The following FNDC3A variants were observed in gnomAD, a reference collection of about 807,000 sequenced individuals.
The protein encoded by FNDC3A is fibronectin type-III domain-containing protein 3A.
A neutral mutation model predicts 148.9 loss-of-function variants in FNDC3A; 32 were observed. The ratio of observed to expected loss-of-function variants is 0.21; its 90% CI spans 0.16 to 0.29. The LOEUF (loss-of-function observed/expected upper bound fraction) is 0.29. Ranked by LOEUF, FNDC3A falls within the 10% of genes least tolerant of loss-of-function variation. FNDC3A has a pLI of 1.00. For missense variants in FNDC3A, 1,191 were observed against 1,452.8 expected, an observed-to-expected ratio of 0.82 and a Z score of 2.93; for synonymous variants, 472 against 473.6, an observed-to-expected ratio of 1.00 and a Z score of 0.04.
At chr13:49,055,695 G>A (rs1018744525) in intron 2 of FNDC3A, among the ~76,000 whole-genome samples, 5 of 152,108 alleles carry the variant, frequency 3.3e-5, no homozygotes, top group African/African-American at 1.2e-4. Flanking sequence ...GAAGCCCCCT[G>A]CCCCTTCAAG....
chr13:49,116,496 A>C (rs1880968216), intron 4 of FNDC3A, among the ~76,000 whole-genome samples: 1 of 152,212 alleles, frequency 6.6e-6, no homozygotes, highest in African/African-American at 2.4e-5. Context: ...TAAAAAGTGG[A>C]TAAACTCTAT....
Position 49,075,313 on chromosome 13 carries a change from G to C in FNDC3A, c.124G>C (p.Gly42Arg). Residue 42 changes from glycine to arginine, a missense_variant, in exon 3 of 26, where the codon GGA becomes CGA. Gly to Arg is a moderately radical substitution (Grantham distance 125). Around this residue, in one of 3 missense-constraint regions of FNDC3A, gnomAD observed 426 missense variants for 473.2 expected, o/e 0.90. Coordinates refer to ENST00000492622, the MANE Select transcript of FNDC3A (RefSeq NM_001079673.2). ...GGTTATTCTGGTACAAGTTAACCCAGGAGAAGCATTTACAATAAGAAGAGA... is the reference window on the plus strand; with the variant it reads ...GGTTATTCTGGTACAAGTTAACCCACGAGAAGCATTTACAATAAGAAGAGA... The part of the protein sequence containing the change: ...QQVILVQVNP[G>R]EAFTIRREDG... 2 of 1,603,190 alleles carry C rather than the reference G, an allele frequency of 1.2e-6. No individual in the cohort carries two copies. Among genetic ancestry groups the C allele is most frequent in the Non-Finnish European group, 1.7e-6 (2 of 1,170,928 alleles).
At chr13:49,108,343 C>T (rs1001841472) in intron 3 of FNDC3A, among the ~76,000 whole-genome samples, 5 of 152,118 alleles carry the variant, frequency 3.3e-5, no homozygotes, top group Non-Finnish European at 2.9e-5. Flanking sequence ...ATGCCGTGAT[C>T]TCAAGGAAGA....
At chr13:49,185,177 G>A (rs529787499) in intron 14 of FNDC3A, among the ~76,000 whole-genome samples, 1 of 152,104 alleles carries the variant, frequency 6.6e-6, no homozygotes, top group South Asian at 2.1e-4. Flanking sequence ...AACAATACAG[G>A]TATAGTTAAA....
chr13:49,075,530 C>T (rs919594016), intron 3 of FNDC3A, among the ~76,000 whole-genome samples, 166 bp downstream of exon 3: 53 of 152,148 alleles, frequency 3.5e-4, no homozygotes, highest in African/African-American at 1.2e-3. Context: ...GTCATTCTAA[C>T]TAGTCTCTTT....
chr13:49,207,130 A>G lies in FNDC3A; in HGVS notation c.3332A>G (p.Asn1111Ser), dbSNP rs373329188. The G allele has an allele frequency of 1.2e-6, 2 of 1,614,064 alleles. No homozygotes were observed. Among genetic ancestry groups the G allele is most frequent in the African/African-American group, 2.7e-5 (2 of 74,932 alleles). The change falls in exon 26 of 26, where the codon AAC (asparagine) becomes AGC (serine). Residue 1111 changes from asparagine (N) to serine (S), a missense_variant. Transcript: ENST00000492622. ...SSFRYSSLQL[N>S]CEYRFRVCAI... ...TTCCGGTATTCCAGCCTTCAGCTGA[A>G]CTGTGAATATCGCTTCCGTGTATGT...
chr13:49,190,790 A>G (rs1424910043), intron 17 of FNDC3A, among the ~76,000 whole-genome samples: 3 of 152,218 alleles, frequency 2.0e-5, no homozygotes, highest in Non-Finnish European at 4.4e-5. Context: ...CTTTGTATAT[A>G]GTAGTTGCAC....
intron 3 of FNDC3A, among the ~76,000 whole-genome samples, chr13:49,103,690 A>G (rs1879995975): frequency 6.6e-6 from 1 of 152,212 alleles, no homozygotes; most frequent in Non-Finnish European, 1.5e-5. Flanking sequence ...TTTAGGAGAT[A>G]AAACTGTCAG....
At chr13:49,002,407 A>G (rs1036840349) in intron 1 of FNDC3A, among the ~76,000 whole-genome samples, 3 of 152,230 alleles carry the variant, frequency 2.0e-5, no homozygotes, top group Admixed American at 1.3e-4. Flanking sequence ...TTTCTACAGC[A>G]ATTGAGAATG....
chr13:49,054,944 T>C (rs780055501), intron 2 of FNDC3A, among the ~76,000 whole-genome samples: 7 of 152,198 alleles, frequency 4.6e-5, no homozygotes, highest in Non-Finnish European at 1.0e-4. Context: ...GGTCTTTTAA[T>C]GCTAAACTCA....
intron 8 of FNDC3A, among the ~76,000 whole-genome samples, chr13:49,148,988 G>A (rs1276810970): frequency 6.6e-6 from 1 of 151,632 alleles, no homozygotes; most frequent in East Asian, 1.9e-4. Context: ...TTGCCTTTTG[G>A]GCTTCTTTCT....
intron 4 of FNDC3A, 82 bp from the exon 5 acceptor site, chr13:49,131,055 C>T (rs897120431): frequency 3.6e-6 from 4 of 1,096,844 alleles, no homozygotes; most frequent in African/African-American, 1.5e-5. Flanking sequence ...CATGAGCTAC[C>T]GTGCCTACCC....
chr13:49,135,238 G>T (rs1055960019), intron 5 of FNDC3A, among the ~76,000 whole-genome samples: 1 of 152,152 alleles, frequency 6.6e-6, no homozygotes, highest in African/African-American at 2.4e-5. Context: ...TCTTTTTATT[G>T]TTGAAAGGTA....
intron 3 of FNDC3A, among the ~76,000 whole-genome samples, chr13:49,093,713 C>T (rs1263646411): frequency 6.6e-6 from 1 of 152,056 alleles, no homozygotes; most frequent in Non-Finnish European, 1.5e-5. Flanking sequence ...ATGATTAGTT[C>T]CTCCAAACCA....
intron 2 of FNDC3A, among the ~76,000 whole-genome samples, chr13:49,022,818 C>T (rs1360661115): frequency 1.3e-5 from 2 of 152,070 alleles, no homozygotes. Flanking sequence ...ACGTCTGCAC[C>T]ATGCCACTTT....
In FNDC3A at chr13:48,993,772, C is replaced by G. The variant is rs116419784; in HGVS notation, c.-39-12380C>G. ...GGCAAGTATATGGGTGTTTGCTGTT[C>G]AGTTATTTCAGCTTTTCTGTGGGTT... On this transcript the variant is annotated intron_variant, in intron 1 of 25. Coordinates refer to ENST00000492622, the MANE Select transcript of FNDC3A (RefSeq NM_001079673.2). Among the ~76,000 whole-genome samples, 1,430 of 152,178 alleles carry G rather than the reference C, an allele frequency of 9.4e-3. 22 individuals are homozygous for G. Among genetic ancestry groups the G allele is most frequent in the African/African-American group, 0.032 (1,345 of 41,520 alleles).
chr13:49,157,600 C>G (rs1156827242), intron 8 of FNDC3A, among the ~76,000 whole-genome samples: 91 of 151,414 alleles, frequency 6.0e-4, no homozygotes, highest in Admixed American at 6.0e-3. Context: ...AGGTGCTCTG[C>G]GTTTTAGAGT....
intron 5 of FNDC3A, among the ~76,000 whole-genome samples, chr13:49,134,408 C>T (rs1882211678): frequency 1.3e-5 from 2 of 151,960 alleles, no homozygotes; most frequent in Non-Finnish European, 2.9e-5. Context: ...AATAATATTG[C>T]ATTCTGTTGA....
At chr13:49,071,727 G>T (rs1391762244) in intron 2 of FNDC3A, among the ~76,000 whole-genome samples, 15 of 146,308 alleles carry the variant, frequency 1.0e-4, no homozygotes, top group South Asian at 4.3e-4. Context: ...TGATTATTTG[G>T]TTTTTTTTTT....
Sources: gnomAD v4.1 joint callset for allele counts (sites outside exome capture counted in the v4.1 genomes callset) on GRCh38, gnomAD v4.1.1 for gene constraint, gnomAD v4.1.1 regional missense constraint, MANE v1.5 for transcripts, NCBI Gene and HGNC (gene_info 2026-07-23, HGNC 2026-07-21) for gene names.